The following CAST variants were observed in gnomAD, a reference collection of about 807,000 sequenced individuals.
CAST encodes the protein MIR583 host.
CAST carries 76 observed loss-of-function variants against 119.6 expected under a neutral mutation model. The observed-to-expected ratio is 0.64, with a 90% CI of 0.53 to 0.77. The LOEUF is 0.77. CAST is among the 30% of genes least tolerant of loss of function. The pLI is 0.00. For synonymous variants in CAST, 319 were observed against 331.6 expected (o/e 0.96, Z 0.41); for missense variants, 953 against 946.5 (o/e 1.01, Z -0.09).
intron 1 of CAST, among the ~76,000 whole-genome samples, chr5:96,628,992 AG>A (rs1433805488): frequency 6.6e-6 from 1 of 152,198 alleles, no homozygotes; most frequent in Non-Finnish European, 1.5e-5. Flanking sequence ...GGGTGGGCCA[AG>A]GCTTTGCCAA....
At chr5:96,000,187 T>C in the CAST span, among the ~76,000 whole-genome samples, 103 of 152,292 alleles carry the variant, frequency 6.8e-4, no homozygotes, top group African/African-American at 2.4e-3. Context: ...CAAATACCTC[T>C]TACAGTCTAT....
At chr5:96,646,920 A>G (rs1366825017) in intron 1 of CAST, among the ~76,000 whole-genome samples, 1 of 152,248 alleles carries the variant, frequency 6.6e-6, no homozygotes, top group Non-Finnish European at 1.5e-5. Flanking sequence ...ATAGGAGGTG[A>G]AGGTGAAACT....
chr5:96,687,582 A>G (rs1283553975), intron 2 of CAST, among the ~76,000 whole-genome samples: 1 of 152,172 alleles, frequency 6.6e-6, no homozygotes, highest in African/African-American at 2.4e-5. Context: ...ATTCACATTA[A>G]AGTTGGTATT....
chr5:96,050,387 T>C, the CAST span, among the ~76,000 whole-genome samples: 23 of 147,570 alleles, frequency 1.6e-4, no homozygotes, highest in East Asian at 4.6e-3. Context: ...TGGGAGGGGG[T>C]GGAATTTGCT....
chr5:96,590,269 C>G (rs952293847), intron 1 of CAST, among the ~76,000 whole-genome samples: 11 of 152,046 alleles, frequency 7.2e-5, no homozygotes, highest in African/African-American at 2.7e-4. Flanking sequence ...AGTGAGATAC[C>G]CAGATGATAC....
the CAST span, among the ~76,000 whole-genome samples, chr5:96,129,513 A>G: frequency 6.6e-6 from 1 of 152,132 alleles, no homozygotes; most frequent in South Asian, 2.1e-4. Flanking sequence ...TTACAATAGG[A>G]CAGACACTTC....
intron 1 of CAST, among the ~76,000 whole-genome samples, chr5:96,577,506 T>C (rs976277462): frequency 6.6e-6 from 1 of 152,120 alleles, no homozygotes; most frequent in Non-Finnish European, 1.5e-5. Context: ...TTGTTTTTAA[T>C]GTAAGCATTT....
the CAST span, among the ~76,000 whole-genome samples, chr5:96,406,172 C>T: frequency 6.6e-6 from 1 of 152,078 alleles, no homozygotes; most frequent in South Asian, 2.1e-4. Flanking sequence ...TCTCGTTTGA[C>T]CCCTTCATTT....
chr5:96,498,775 T>A, the CAST span, among the ~76,000 whole-genome samples: 80 of 152,300 alleles, frequency 5.3e-4, no homozygotes, highest in African/African-American at 1.9e-3. Context: ...GCTGCCACCC[T>A]TTCATAGCCA....
chr5:96,055,279 A>C, the CAST span, among the ~76,000 whole-genome samples: 466 of 152,246 alleles, frequency 3.1e-3, 3 homozygotes, highest in African/African-American at 0.011. Flanking sequence ...TTATTGTCTA[A>C]ATTATGTAAT....
the CAST span, among the ~76,000 whole-genome samples, chr5:96,332,322 G>A: frequency 8.5e-5 from 13 of 152,064 alleles, no homozygotes; most frequent in Non-Finnish European, 1.9e-4. Context: ...TTGTTTGGGA[G>A]TACCTTGAGC....
intron 1 of CAST, among the ~76,000 whole-genome samples, chr5:96,616,287 A>T (rs1016848208): frequency 1.3e-5 from 2 of 152,208 alleles, no homozygotes; most frequent in Non-Finnish European, 2.9e-5. Flanking sequence ...GCTCTAGAAG[A>T]TGTTCATCTA....
At chr5:96,771,909 A>G (rs1772517865) in intron 31 of CAST, 1 of 398,530 alleles carries the variant, frequency 2.5e-6, no homozygotes, top group Admixed American at 4.3e-5. Context: ...AATGTTTAAA[A>G]ACCTTAATCT....
the CAST span, among the ~76,000 whole-genome samples, chr5:96,490,158 A>G: frequency 6.6e-6 from 1 of 152,232 alleles, no homozygotes; most frequent in African/African-American, 2.4e-5. Context: ...TTCTTGGAAC[A>G]AAGTTCAAAA....
upstream of CAST, among the ~76,000 whole-genome samples, chr5:96,522,279 C>T (rs548864340): frequency 1.3e-5 from 2 of 152,314 alleles, no homozygotes; most frequent in African/African-American, 4.8e-5. Context: ...TGGCTAGCCA[C>T]CCACTCTCCA....
intron 1 of CAST, among the ~76,000 whole-genome samples, chr5:96,576,928 C>T (rs943350849): frequency 2.0e-5 from 3 of 152,120 alleles, no homozygotes; most frequent in South Asian, 4.1e-4. Flanking sequence ...AACAACCCAT[C>T]GCCTAGGTAT....
At chr5:96,314,205 T>G in the CAST span, among the ~76,000 whole-genome samples, 1 of 152,236 alleles carries the variant, frequency 6.6e-6, no homozygotes, top group Admixed American at 6.5e-5. Context: ...AATTATTTTC[T>G]GTAATTTTCC....
intron 9 of CAST, among the ~76,000 whole-genome samples, chr5:96,731,589 T>G (rs1317226254): frequency 1.3e-5 from 2 of 150,606 alleles, no homozygotes; most frequent in South Asian, 2.1e-4. Flanking sequence ...GCCATGCTGG[T>G]GCGCTGCACC....
At chr5:95,994,206 G>C in the CAST span, among the ~76,000 whole-genome samples, 1 of 152,152 alleles carries the variant, frequency 6.6e-6, no homozygotes, top group African/African-American at 2.4e-5. Flanking sequence ...TCCATACAAA[G>C]AGTTGTGTGT....
Sources: allele counts gnomAD v4.1 joint callset (sites outside exome capture counted in the v4.1 genomes callset), GRCh38; gene constraint gnomAD v4.1.1; transcripts MANE v1.5; gene names NCBI Gene and HGNC (gene_info 2026-07-23, HGNC 2026-07-21).